CDH23: variants seen among roughly 807,000 people sequenced by gnomAD.
The protein encoded by CDH23 is cadherin related 23.
Under a neutral mutation model 317.1 loss-of-function variants are expected in CDH23, and 189 were observed. That is an observed-to-expected ratio of 0.60 (90% CI 0.53 to 0.67). The LOEUF (loss-of-function observed/expected upper bound fraction) is 0.67. CDH23 is among the 30% of genes least tolerant of loss of function. The probability of loss-of-function intolerance (pLI) is 0.00; values close to 1 mark genes in which losing one functional copy is unlikely to be tolerated. For missense variants in CDH23, 4,401 were observed against 4,592.4 expected, an observed-to-expected ratio of 0.96 and a Z score of 1.20; for synonymous variants, 1,839 against 1,876.8, an observed-to-expected ratio of 0.98 and a Z score of 0.52.
intron 38 of CDH23, 23 bp from the exon 39 acceptor site, chr10:71,777,657 A>G: frequency 6.3e-7 from 1 of 1,591,928 alleles, no homozygotes; most frequent in Non-Finnish European, 8.6e-7. Flanking sequence ...CTGACCAAGG[A>G]CGTGACCCAC....
chr10:71,619,159 A>C (rs529483735), intron 11 of CDH23, among the ~76,000 whole-genome samples: 16 of 152,086 alleles, frequency 1.1e-4, no homozygotes, highest in Middle Eastern at 3.4e-3. Flanking sequence ...ACACGGTGAA[A>C]CCCCATCTCT....
At chr10:71,462,502 G>A (rs1397593982) in intron 3 of CDH23, among the ~76,000 whole-genome samples, 5 of 152,292 alleles carry the variant, frequency 3.3e-5, no homozygotes, top group South Asian at 4.1e-4. Context: ...TCAAGCCACC[G>A]GTCACCACAC....
At chr10:71,661,632 G>A (rs192935403) in intron 14 of CDH23, among the ~76,000 whole-genome samples, 70 of 152,202 alleles carry the variant, frequency 4.6e-4, no homozygotes, top group African/African-American at 1.6e-3. Context: ...GGTGGGGTGG[G>A]CAGAGGAGTC....
intron 46 of CDH23, 62 bp from the exon 47 acceptor site, chr10:71,791,070 C>A: frequency 1.5e-6 from 2 of 1,359,330 alleles, no homozygotes; most frequent in South Asian, 1.3e-5. Context: ...TTGGTTCTTG[C>A]CCTGTCTTCC....
At chr10:71,666,957 T>A (rs1041828063) in intron 14 of CDH23, among the ~76,000 whole-genome samples, 1 of 152,262 alleles carries the variant, frequency 6.6e-6, no homozygotes, top group Non-Finnish European at 1.5e-5. Context: ...CATTCTCCCA[T>A]GTAAATTTCT....
In CDH23 at chr10:71,740,854, G is replaced by A. The variant is rs762557333; in HGVS notation, c.4521G>A (p.Arg1507=). The change falls in exon 37 of 70, where the codon CGG becomes CGA. Residue 1507 remains arginine, a synonymous_variant. Coordinates refer to ENST00000224721, the MANE Select transcript of CDH23 (RefSeq NM_022124.6). The stretch of plus-strand genomic sequence containing the variant: ...CTTCTGACCGAGGCACCCCTCCACG[G>A]AAGAAGGACCACATCCTGCAGGTGA... ...VVASDRGTPP[R]KKDHILQVTI... is the part of the protein sequence containing the mutation. The A allele has an allele frequency of 6.2e-6, 10 of 1,613,810 alleles. No individual in the cohort carries two copies. The highest frequency in any genetic ancestry group is 6.8e-6 in the Non-Finnish European group (8 of 1,179,872).
At chr10:71,773,266 G>A (rs1415195226) in intron 38 of CDH23, 2 of 1,398,636 alleles carry the variant, frequency 1.4e-6, no homozygotes, top group Non-Finnish European at 2.0e-6. Context: ...CAGGCTGAGA[G>A]GGCCCCCAGG....
At chr10:71,732,671 C>G in intron 32 of CDH23, 2 of 1,361,662 alleles carry the variant, frequency 1.5e-6, no homozygotes, top group Non-Finnish European at 1.9e-6. Context: ...GATCAATATC[C>G]CTGTAACACA....
chr10:71,651,849 T>C (rs1863190100), intron 14 of CDH23, among the ~76,000 whole-genome samples: 1 of 152,206 alleles, frequency 6.6e-6, no homozygotes, highest in South Asian at 2.1e-4. Context: ...CTAGGATGTG[T>C]GAGGAGCCAG....
At chr10:71,814,293 T>C (rs1386466496) in intron 69 of CDH23, among the ~76,000 whole-genome samples, 1 of 152,258 alleles carries the variant, frequency 6.6e-6, no homozygotes, top group Non-Finnish European at 1.5e-5. Flanking sequence ...CACACGCCCA[T>C]AGTCCCAGCT....
At chr10:71,713,811 A>C (rs1866094094) in intron 28 of CDH23, 1 of 155,926 alleles carries the variant, frequency 6.4e-6, no homozygotes. Flanking sequence ...CCAGGAAGAC[A>C]GTGCCTAGTG....
At chr10:71,470,866 A>G (rs1488087083) in intron 3 of CDH23, among the ~76,000 whole-genome samples, 1 of 152,214 alleles carries the variant, frequency 6.6e-6, no homozygotes, top group East Asian at 1.9e-4. Flanking sequence ...TTTCCTAATG[A>G]TTAATGATGT....
chr10:71,761,272 C>T (rs1165026453), intron 38 of CDH23, among the ~76,000 whole-genome samples: 1 of 152,224 alleles, frequency 6.6e-6, no homozygotes, highest in East Asian at 1.9e-4. Context: ...GGGCACCAAT[C>T]AGTCCCACTG....
chr10:71,712,578 G>A (rs899817371), intron 27 of CDH23, 87 bp from the exon 28 acceptor site: 1 of 1,499,582 alleles, frequency 6.7e-7, no homozygotes, highest in South Asian at 1.2e-5. Context: ...CACCTCTCTG[G>A]CCGGTGCCCG....
intron 17 of CDH23, among the ~76,000 whole-genome samples, 185 bp from the exon 18 acceptor site, chr10:71,682,260 G>C (rs889621102): frequency 3.9e-5 from 6 of 152,196 alleles, no homozygotes; most frequent in Admixed American, 3.9e-4. Flanking sequence ...GCAGCACAGG[G>C]TCTGGCACAT....
chr10:71,434,137 G>A lies in CDH23; in HGVS notation c.-5-5690G>A, dbSNP rs1392672981. Reference sequence around the variant, plus strand: ...TTGCCTCAGGGCCTTTGCACAGGCCGCTCCCTCTGCCTGGAAGGCATTCCT... The same window carrying A: ...TTGCCTCAGGGCCTTTGCACAGGCCACTCCCTCTGCCTGGAAGGCATTCCT... On this transcript the variant is annotated intron_variant, in intron 1 of 69. Coordinates refer to ENST00000224721, the MANE Select transcript of CDH23 (RefSeq NM_022124.6). 2.0e-5 allele frequency among the ~76,000 whole-genome samples: 3 copies of A among 152,168 alleles called. No homozygotes were observed. The East Asian group carries it at 5.8e-4, about 30-fold the overall frequency.
At chr10:71,473,819 C>A (rs1363878014) in intron 3 of CDH23, among the ~76,000 whole-genome samples, 4 of 152,120 alleles carry the variant, frequency 2.6e-5, no homozygotes, top group Non-Finnish European at 5.9e-5. Flanking sequence ...CAGGGGTGCC[C>A]ACAGCTGGCC....
chr10:71,486,385 G>A (rs1852348357), intron 3 of CDH23, among the ~76,000 whole-genome samples: 1 of 152,150 alleles, frequency 6.6e-6, no homozygotes, highest in African/African-American at 2.4e-5. Flanking sequence ...GCCTTGAACT[G>A]GGAAAGATGG....
intron 3 of CDH23, among the ~76,000 whole-genome samples, chr10:71,483,374 C>T (rs1852174096): frequency 6.6e-6 from 1 of 152,212 alleles, no homozygotes; most frequent in African/African-American, 2.4e-5. Flanking sequence ...GACAGCAGCT[C>T]TTTATCAATC....
Sources: allele counts gnomAD v4.1 joint callset (sites outside exome capture counted in the v4.1 genomes callset), GRCh38; gene constraint gnomAD v4.1.1; transcripts MANE v1.5; gene names NCBI Gene and HGNC (gene_info 2026-07-23, HGNC 2026-07-21).